The following CSNK2A1 variants were observed in gnomAD, a reference collection of about 807,000 sequenced individuals.
The protein encoded by CSNK2A1 is casein kinase II subunit alpha.
In CSNK2A1, 10 loss-of-function variants were observed where a neutral mutation model predicts 62.9. The ratio of observed to expected loss-of-function variants is 0.16; its 90% CI spans 0.10 to 0.27. The LOEUF (loss-of-function observed/expected upper bound fraction) is 0.27. Ranked by LOEUF, CSNK2A1 falls within the 10% of genes least tolerant of loss-of-function variation. The pLI, the probability that CSNK2A1 is intolerant of heterozygous loss-of-function variation, is 1.00. For synonymous variants in CSNK2A1, 124 were observed against 167.8 expected (o/e 0.74, Z 2.02); for missense variants, 160 against 492.0 (o/e 0.33, Z 6.38).
At chr20:497,689 T>C in intron 7 of CSNK2A1, 32 bp downstream of exon 7, 1 of 1,555,050 alleles carries the variant, frequency 6.4e-7, no homozygotes, top group South Asian at 1.1e-5. Context: ...AAGACCAATT[T>C]AAAAAATATT....
rs796928814 is a variant in CSNK2A1 at position 481,521 on chromosome 20, T to TC, written c.*2439_*2440insG. 4 of 124,174 alleles carry TC rather than the reference T, an allele frequency of 3.2e-5. No individual in the cohort carries two copies. Among genetic ancestry groups the TC allele is most frequent in the South Asian group, 2.8e-4 (1 of 3,592 alleles). The allele number at this position is 124,174 out of a possible 1,614,324, so 7.7% of individuals were successfully genotyped here. A position where few individuals can be genotyped will look rare whatever the true frequency, so the allele number is the denominator to read the frequency against. ...CCACCCAATTGGGTCTTTTTTTTTT[T>TC]TCTCTCTCTCCATGCTTCTGCAGTG... On this transcript the variant is annotated 3_prime_UTR_variant, in exon 14 of 14. Coordinates refer to ENST00000217244, the MANE Select transcript of CSNK2A1 (RefSeq NM_177559.3).
intron 1 of CSNK2A1, among the ~76,000 whole-genome samples, chr20:531,604 T>C (rs2122643104): frequency 6.6e-6 from 1 of 152,232 alleles, no homozygotes; most frequent in South Asian, 2.1e-4. Context: ...TATTACAGGC[T>C]CAGGAAATCT....
chr20:536,948 A>T (rs2019345446), intron 1 of CSNK2A1, among the ~76,000 whole-genome samples: 1 of 152,188 alleles, frequency 6.6e-6, no homozygotes, highest in Admixed American at 6.5e-5. Context: ...TGGATATGAC[A>T]TGATACCATT....
At chr20:489,968 A>G in intron 9 of CSNK2A1, 87 bp from the exon 10 acceptor site, 1 of 1,083,538 alleles carries the variant, frequency 9.2e-7, no homozygotes, top group Non-Finnish European at 1.3e-6. Flanking sequence ...AAATTAAAAA[A>G]AAATCACTCC....
At position 473,880 on chromosome 20, in the gene CSNK2A1, C is replaced by G. The variant is rs2017799280; in HGVS notation, c.*10081G>C. On this transcript the variant is annotated 3_prime_UTR_variant, in exon 14 of 14. Transcript: ENST00000217244. ...AAGACCTCTCCCTGTGTATCCACTT[C>G]TAAACCAGTCACAACTGCCCGAGTC... The G allele has an allele frequency of 6.6e-6, 1 of 152,220 alleles. No individual in the cohort carries two copies. Among genetic ancestry groups the G allele is most frequent in the African/African-American group, 2.4e-5 (1 of 41,436 alleles). 9.4% of individuals were successfully genotyped at this position (152,220 alleles called of 1,614,324 possible).
intron 2 of CSNK2A1, among the ~76,000 whole-genome samples, chr20:521,080 T>C (rs755006232): frequency 6.6e-6 from 1 of 152,212 alleles, no homozygotes; most frequent in Non-Finnish European, 1.5e-5. Flanking sequence ...GCTGTAAAAC[T>C]GATAAACTGA....
chr20:518,710 C>T (rs1239524441), intron 2 of CSNK2A1, among the ~76,000 whole-genome samples: 3 of 74,128 alleles, frequency 4.0e-5, no homozygotes, highest in Non-Finnish European at 5.2e-5. Context: ...CCACGCCCGG[C>T]TAATTTTTTT....
rs2018411130 is a variant in CSNK2A1 at position 499,364 on chromosome 20, G to A, written c.316-59C>T. 7.8e-6 allele frequency: 12 copies of A among 1,533,458 alleles called. No homozygotes were observed. The East Asian group carries it at 2.5e-4, about 32-fold the overall frequency. 95.0% of individuals were successfully genotyped at this position (1,533,458 alleles called of 1,614,324 possible). On this transcript the variant is annotated intron_variant, in intron 5 of 13. Coordinates refer to ENST00000217244, the MANE Select transcript of CSNK2A1 (RefSeq NM_177559.3). The surrounding 1 kb of genome is among the most constrained non-coding windows in gnomAD (Gnocchi z 4.2). The stretch of plus-strand genomic sequence containing the variant: ...TAGCAATAGCCCTGACAGCTTTAAT[G>A]GGGACAATGTTTGCGGATGCTGCGT...
rs369745263 is a variant in CSNK2A1 at position 535,111 on chromosome 20, T to G, written c.-226-7062A>C. ...TGGCTCATGAGTGTAATCTCAGCAC[T>G]TTGGGAGGCTGAGTTAAGAGGACTG... On this transcript the variant is annotated intron_variant, in intron 1 of 13. Coordinates refer to ENST00000217244, the MANE Select transcript of CSNK2A1 (RefSeq NM_177559.3). Among the ~76,000 whole-genome samples the G allele has an allele frequency of 5.3e-5, 8 of 149,720 alleles. No homozygotes were observed. The East Asian group carries it at 1.2e-3, about 22-fold the overall frequency.
rs112165706 is a variant in CSNK2A1, at chr20:521,913, G to A, written c.-110+6020C>T. Among the ~76,000 whole-genome samples the A allele has an allele frequency of 2.6e-3, 389 of 152,254 alleles. 1 individual carries two copies. The highest frequency in any genetic ancestry group is 9.0e-3 in the African/African-American group (372 of 41,560). ...CAACATGGTGAATCTTAAAAGTGAA[G>A]AAGCCAGAAACAAAAGCCTACATAT... On this transcript the variant is annotated intron_variant, in intron 2 of 13. Transcript: ENST00000217244.
chr20:502,716 G>A (rs2018496339), intron 4 of CSNK2A1: 1 of 152,220 alleles, frequency 6.6e-6, no homozygotes, highest in South Asian at 2.1e-4. Context: ...AGAAGAGATA[G>A]TCATATAATT....
rs2017939058 is a variant in CSNK2A1, at chr20:480,596, C to T, written c.*3365G>A. The T allele has an allele frequency of 6.6e-6, 1 of 152,080 alleles. No homozygotes were observed. The highest frequency in any genetic ancestry group is 2.4e-5 in the African/African-American group (1 of 41,402). The allele number at this position is 152,080 out of a possible 1,614,324, so 9.4% of individuals were successfully genotyped here. ...TGGGGGAAGTCGGATTCAGGATAAACCAATTTTAGACTCATTTTTTGAGGA... is the reference window on the plus strand; with the variant it reads ...TGGGGGAAGTCGGATTCAGGATAAATCAATTTTAGACTCATTTTTTGAGGA... On this transcript the variant is annotated 3_prime_UTR_variant, in exon 14 of 14. Coordinates refer to ENST00000217244, the MANE Select transcript of CSNK2A1 (RefSeq NM_177559.3).
intron 9 of CSNK2A1, among the ~76,000 whole-genome samples, chr20:490,352 A>AT (rs2018198923): frequency 4.6e-5 from 2 of 43,386 alleles, no homozygotes; most frequent in African/African-American, 1.2e-4. Flanking sequence ...TTTTTTTTTT[A>AT]GTTTTTTTTT....
At chr20:536,154 C>A (rs974098923) in intron 1 of CSNK2A1, among the ~76,000 whole-genome samples, 1 of 152,052 alleles carries the variant, frequency 6.6e-6, no homozygotes, top group Non-Finnish European at 1.5e-5. Context: ...ACATACTGAT[C>A]CACCCCTAGG....
At chr20:510,219 C>A (rs2018689859) in intron 2 of CSNK2A1, 1 of 149,608 alleles carries the variant, frequency 6.7e-6, no homozygotes, top group Non-Finnish European at 1.5e-5. Context: ...GTTGCTCAGG[C>A]TGGAGTGCAA....
intron 1 of CSNK2A1, among the ~76,000 whole-genome samples, chr20:537,935 A>T (rs1310172384): frequency 6.6e-6 from 1 of 151,762 alleles, no homozygotes; most frequent in Non-Finnish European, 1.5e-5. Flanking sequence ...AAGTTGTCAT[A>T]TAGTTGAATA....
In CSNK2A1 at chr20:531,184, ACTTT is replaced by A. The variant is rs796217326; in HGVS notation, c.-226-3139_-226-3136del. ...GTTACCAAAATTAAAAAAAAATTTA[ACTTT>A]CTATTTCTTAAAAGAAATAAAGCAG... On this transcript the variant is annotated intron_variant, in intron 1 of 13. Transcript: ENST00000217244. Among the ~76,000 whole-genome samples the A allele has an allele frequency of 2.2e-3, 337 of 152,322 alleles. 1 individual carries two copies. The highest frequency in any genetic ancestry group is 7.3e-3 in the African/African-American group (305 of 41,570).
chr20:540,419 G>A (rs1207601299), intron 1 of CSNK2A1, among the ~76,000 whole-genome samples: 2 of 152,200 alleles, frequency 1.3e-5, no homozygotes, highest in Non-Finnish European at 2.9e-5. Flanking sequence ...GCTAAACTTA[G>A]TTGCTACTAT....
rs2017936833 is a variant in CSNK2A1, at chr20:480,498, G to A, written c.*3463C>T. On this transcript the variant is annotated 3_prime_UTR_variant, in exon 14 of 14. Transcript: ENST00000217244. ...TCACCAGGGAGTTTACATGCAAGTG[G>A]GGAGATACAAAATAATACAACAAAA... is the stretch of plus-strand genomic sequence containing the variant. 1 of 152,048 alleles carries A rather than the reference G, an allele frequency of 6.6e-6. No homozygotes were observed. Among genetic ancestry groups the A allele is most frequent in the African/African-American group, 2.4e-5 (1 of 41,408 alleles). The allele number at this position is 152,048 out of a possible 1,614,324, so 9.4% of individuals were successfully genotyped here.
Sources: gnomAD v4.1 joint callset for allele counts (sites outside exome capture counted in the v4.1 genomes callset) on GRCh38, gnomAD v4.1.1 for gene constraint, Gnocchi (gnomAD v3.1) non-coding constraint, MANE v1.5 for transcripts, NCBI Gene and HGNC (gene_info 2026-07-23, HGNC 2026-07-21) for gene names.